The following SRBD1 variants were observed in gnomAD, a reference collection of about 807,000 sequenced individuals.
SRBD1 encodes the protein S1 RNA-binding domain-containing protein 1.
Under a neutral mutation model 115.3 loss-of-function variants are expected in SRBD1, and 88 were observed. The ratio of observed to expected loss-of-function variants is 0.76; its 90% CI spans 0.64 to 0.91. The LOEUF (loss-of-function observed/expected upper bound fraction) is 0.91. Among genes scored for constraint, SRBD1 ranks in the 40% least tolerant of loss-of-function variants. The pLI is 0.00. For missense variants in SRBD1, 1,385 were observed against 1,177.4 expected (o/e 1.18, Z -2.58); for synonymous variants, 509 against 407.7 (o/e 1.25, Z -2.99).
intron 16 of SRBD1, among the ~76,000 whole-genome samples, chr2:45,473,380 A>G (rs1669708742): frequency 6.6e-6 from 1 of 152,132 alleles, no homozygotes; most frequent in Admixed American, 6.6e-5. Flanking sequence ...AACATTATAG[A>G]TTTTAAAAAC....
chr2:45,586,030 C>T (rs964540141), intron 4 of SRBD1, among the ~76,000 whole-genome samples: 4 of 152,092 alleles, frequency 2.6e-5, no homozygotes, highest in African/African-American at 9.7e-5. Flanking sequence ...AATGAGGGCA[C>T]TTTTTAATGA....
intron 14 of SRBD1, among the ~76,000 whole-genome samples, chr2:45,509,643 A>ACACG (rs1553342586): frequency 6.6e-6 from 1 of 150,638 alleles, no homozygotes; most frequent in African/African-American, 2.5e-5. Context: ...ACACACACAC[A>ACACG]CACGCAAAGA....
At chr2:45,436,986 G>A (rs1668517466) in intron 16 of SRBD1, among the ~76,000 whole-genome samples, 1 of 152,016 alleles carries the variant, frequency 6.6e-6, no homozygotes, top group East Asian at 1.9e-4. Context: ...ATAAATAAGT[G>A]GTATTTAAAA....
At chr2:45,532,696 A>C (rs1671649434) in intron 14 of SRBD1, among the ~76,000 whole-genome samples, 1 of 151,770 alleles carries the variant, frequency 6.6e-6, no homozygotes, top group Non-Finnish European at 1.5e-5. Flanking sequence ...GTAACCTTAG[A>C]AATGTACGGA....
At chr2:45,512,793 G>A (rs752144833) in intron 14 of SRBD1, among the ~76,000 whole-genome samples, 1 of 152,040 alleles carries the variant, frequency 6.6e-6, no homozygotes, top group African/African-American at 2.4e-5. Flanking sequence ...ACTTATGATT[G>A]TATGTTTGGA....
intron 14 of SRBD1, among the ~76,000 whole-genome samples, chr2:45,500,009 A>AT (rs142785473): frequency 6.6e-6 from 1 of 151,542 alleles, no homozygotes; most frequent in East Asian, 1.9e-4. Flanking sequence ...AATTTTTAGT[A>AT]TTTTTTTTCT....
Position 45,551,221 on chromosome 2 carries a change from G to T in SRBD1, c.1579C>A (p.Gln527Lys), listed in dbSNP as rs375744439. 6.2e-7 allele frequency: 1 copy of T among 1,613,138 alleles called. No individual in the cohort carries two copies. Among genetic ancestry groups the T allele is most frequent in the Non-Finnish European group, 8.5e-7 (1 of 1,179,836 alleles). ...SVMMFGRNLR[Q>K]LLLTSPVPGR... ...GGAACAGGGCTTGTTAAAAGGAGCT[G>T]ACGAAGGTTCCGTCCAAACATCATT... is the stretch of plus-strand genomic sequence containing the variant. The change falls in exon 12 of 21, where the codon CAG (glutamine) becomes AAG (lysine). Residue 527 changes from glutamine to lysine, a missense_variant. Transcript: ENST00000263736.
At chr2:45,536,569 A>G (rs1021981608) in intron 14 of SRBD1, among the ~76,000 whole-genome samples, 1 of 152,162 alleles carries the variant, frequency 6.6e-6, no homozygotes, top group Non-Finnish European at 1.5e-5. Context: ...GTTAATAACT[A>G]AAGTATTTGT....
chr2:45,502,737 G>C (rs1292817495), intron 14 of SRBD1, among the ~76,000 whole-genome samples: 1 of 151,950 alleles, frequency 6.6e-6, no homozygotes, highest in African/African-American at 2.4e-5. Context: ...TAAATGATGA[G>C]TTAAGTGGTG....
At chr2:45,510,995 A>G (rs771798324) in intron 14 of SRBD1, among the ~76,000 whole-genome samples, 3 of 152,232 alleles carry the variant, frequency 2.0e-5, no homozygotes, top group Non-Finnish European at 4.4e-5. Context: ...TAGTTATAAA[A>G]AGCCAAGGTT....
intron 20 of SRBD1, among the ~76,000 whole-genome samples, chr2:45,391,804 G>A (rs760344255): frequency 6.6e-5 from 10 of 152,070 alleles, no homozygotes; most frequent in Non-Finnish European, 1.2e-4. Flanking sequence ...TGGAACAATC[G>A]ACACTATGAC....
intron 16 of SRBD1, among the ~76,000 whole-genome samples, chr2:45,443,635 C>A (rs1190047122): frequency 6.6e-6 from 1 of 151,958 alleles, no homozygotes; most frequent in East Asian, 1.9e-4. Flanking sequence ...ATGGGAAGAA[C>A]ACTGTAAACA....
At position 45,505,385 on chromosome 2, in the gene SRBD1, A is replaced by C. The variant is rs542698077; in HGVS notation, c.1875-17054T>G. On this transcript the variant is annotated intron_variant, in intron 14 of 20. Coordinates refer to ENST00000263736, the MANE Select transcript of SRBD1 (RefSeq NM_018079.5). ...ACCTCAGGCTCAGTTAAATCAATCT[A>C]GTGCCAGATGCCACTATCAGAACAA... Among the ~76,000 whole-genome samples the C allele has an allele frequency of 2.0e-5, 3 of 152,274 alleles. No homozygotes were observed. In the East Asian group the frequency reaches 5.8e-4, roughly 29 times the overall value.
intron 14 of SRBD1, among the ~76,000 whole-genome samples, chr2:45,500,796 G>T (rs946560172): frequency 6.6e-6 from 1 of 152,184 alleles, no homozygotes; most frequent in East Asian, 1.9e-4. Flanking sequence ...GTTTTTTGGT[G>T]GAGTCTTTAG....
chr2:45,442,806 G>A (rs1668710418), intron 16 of SRBD1, among the ~76,000 whole-genome samples: 1 of 152,206 alleles, frequency 6.6e-6, no homozygotes, highest in African/African-American at 2.4e-5. Context: ...TTCTGACACT[G>A]AGAAGAAATG....
chr2:45,526,692 T>A (rs994379346), intron 14 of SRBD1, among the ~76,000 whole-genome samples: 1 of 151,796 alleles, frequency 6.6e-6, no homozygotes, highest in Non-Finnish European at 1.5e-5. Flanking sequence ...AATCCAAATG[T>A]CAATCAACTC....
intron 14 of SRBD1, 120 bp downstream of exon 14, chr2:45,546,612 G>C (rs1487265932): frequency 9.3e-6 from 9 of 968,138 alleles, no homozygotes; most frequent in Non-Finnish European, 1.4e-5. Flanking sequence ...TGAACACCAA[G>C]AGGTGGTCTG....
intron 16 of SRBD1, among the ~76,000 whole-genome samples, chr2:45,465,000 TACACACACACACACACAC>T (rs58288876): frequency 5.1e-4 from 61 of 120,304 alleles, no homozygotes; most frequent in African/African-American, 1.4e-3. Flanking sequence ...GTTGAGATTG[TACACACACACACACACAC>T]ACACACACAC....
intron 14 of SRBD1, among the ~76,000 whole-genome samples, chr2:45,545,975 T>TA (rs1672108021): frequency 6.6e-6 from 1 of 152,240 alleles, no homozygotes; most frequent in South Asian, 2.1e-4. Flanking sequence ...TTTTAGTTAT[T>TA]AGTTTTCTCA....
Sources: gnomAD v4.1 joint callset for allele counts (sites outside exome capture counted in the v4.1 genomes callset) on GRCh38, gnomAD v4.1.1 for gene constraint, MANE v1.5 for transcripts, NCBI Gene and HGNC (gene_info 2026-07-23, HGNC 2026-07-21) for gene names.